Variants in AAK1 observed in about 807,000 individuals in gnomAD.
AAK1 encodes AP2-associated protein kinase 1.
Under a neutral mutation model 116.0 loss-of-function variants are expected in AAK1, and 37 were observed. That is an observed-to-expected ratio of 0.32 (90% CI 0.25 to 0.42). The LOEUF (loss-of-function observed/expected upper bound fraction) is 0.42, where lower values mean the gene tolerates loss of function less well. Ranked by LOEUF, AAK1 falls within the 10% of genes least tolerant of loss-of-function variation. The probability of loss-of-function intolerance (pLI) is 1.00; values close to 1 mark genes in which losing one functional copy is unlikely to be tolerated. For synonymous variants in AAK1, 458 were observed against 439.9 expected (o/e 1.04, Z -0.51); for missense variants, 919 against 1,170.6 (o/e 0.79, Z 3.14).
intron 17 of AAK1, among the ~76,000 whole-genome samples, chr2:69,493,214 AATGTGC>A (rs1434215222): frequency 1.3e-5 from 2 of 151,356 alleles, no homozygotes; most frequent in East Asian, 3.9e-4. Context: ...TGTGTAACTG[AATGTGC>A]TAGAGGCTGA....
Position 69,519,151 on chromosome 2 carries a change from T to A in AAK1, c.1300A>T (p.Lys434Ter). Residue 434 changes from lysine (K) to a stop codon, truncating the protein, a stop_gained, in exon 12 of 22, where the codon AAG becomes TAG. Coordinates refer to ENST00000409085, the MANE Select transcript of AAK1 (RefSeq NM_014911.5). LOFTEE classifies it high-confidence loss of function. ...GGAGTGGGAGGAGCCTGTGGCTGCT[T>A]GGCCTGAGTTTGCGGCAGAGGCTGG... The part of the protein sequence containing the change: ...PSQPLPQTQA[K>*]QPQAPPTPQQ... 1 of 1,578,244 alleles carries A rather than the reference T, an allele frequency of 6.3e-7. No homozygotes were observed. Among genetic ancestry groups the A allele is most frequent in the Non-Finnish European group, 8.6e-7 (1 of 1,161,518 alleles).
In AAK1 at chr2:69,465,651, A is replaced by C; in HGVS notation, c.*10218T>G. On this transcript the variant is annotated 3_prime_UTR_variant, in exon 22 of 22. Coordinates refer to ENST00000409085, the MANE Select transcript of AAK1 (RefSeq NM_014911.5). The stretch of plus-strand genomic sequence containing the variant: ...ATACTTGGATAAGGACTGGGGGCGG[A>C]ATGGTTTGCCAGCCATGGGGCCTGA... 1 of 1,290,838 alleles carries C rather than the reference A, an allele frequency of 7.7e-7. No individual in the cohort carries two copies. Among genetic ancestry groups the C allele is most frequent in the Non-Finnish European group, 1.0e-6 (1 of 988,860 alleles). The allele number at this position is 1,290,838 out of a possible 1,614,324, so 80.0% of individuals were successfully genotyped here.
chr2:69,571,818 T>C (rs543039436), intron 2 of AAK1, among the ~76,000 whole-genome samples: 1 of 152,288 alleles, frequency 6.6e-6, no homozygotes, highest in Admixed American at 6.5e-5. Flanking sequence ...TGGCTTGCAC[T>C]GTTACCTTTC....
At chr2:69,540,722 A>G (rs1009633900) in intron 5 of AAK1, among the ~76,000 whole-genome samples, 2 of 152,246 alleles carry the variant, frequency 1.3e-5, no homozygotes, top group African/African-American at 4.8e-5. Flanking sequence ...ACACAGAGCT[A>G]CTATATGACC....
intron 2 of AAK1, among the ~76,000 whole-genome samples, chr2:69,587,348 CATAT>C (rs762653351): frequency 1.4e-5 from 2 of 144,770 alleles, no homozygotes; most frequent in East Asian, 2.1e-4. Flanking sequence ...TGCACACACA[CATAT>C]ATACACATAT....
intron 2 of AAK1, among the ~76,000 whole-genome samples, chr2:69,577,933 A>T (rs1672380074): frequency 6.6e-6 from 1 of 152,150 alleles, no homozygotes; most frequent in Non-Finnish European, 1.5e-5. Context: ...TTTCACCTTC[A>T]TCTTCACTAA....
chr2:69,514,825 A>G (rs1676520134), intron 12 of AAK1, 76 bp from the exon 13 acceptor site: 12 of 1,451,176 alleles, frequency 8.3e-6, no homozygotes, highest in Admixed American at 2.7e-5. Flanking sequence ...CTCAAAAACA[A>G]TGAAGACCAG....
At chr2:69,481,597 C>T (rs1675089046) in intron 18 of AAK1, 1 of 152,150 alleles carries the variant, frequency 6.6e-6, no homozygotes, top group Admixed American at 6.5e-5. Flanking sequence ...ACTTTCTGCC[C>T]AAAGGCATTA....
In AAK1 at chr2:69,567,705, C is replaced by T. The variant is rs1335994670; in HGVS notation, c.164-10727G>A. On this transcript the variant is annotated intron_variant, in intron 2 of 21. Transcript: ENST00000409085. ...TTGGTGAAAAGGTAGAAAAACCCTG[C>T]ACTGCTCAGCCTGGCACAACTGAGC... is the stretch of plus-strand genomic sequence containing the variant. Among the ~76,000 whole-genome samples the T allele has an allele frequency of 2.6e-5, 4 of 152,126 alleles. No homozygotes were observed. The South Asian group carries it at 8.3e-4, about 32-fold the overall frequency.
intron 2 of AAK1, among the ~76,000 whole-genome samples, chr2:69,606,562 C>A (rs954930917): frequency 6.6e-6 from 1 of 152,168 alleles, no homozygotes; most frequent in East Asian, 1.9e-4. Flanking sequence ...TGATCTAGAA[C>A]AGACATACAT....
intron 2 of AAK1, among the ~76,000 whole-genome samples, chr2:69,622,820 T>G (rs1674714246): frequency 6.6e-6 from 1 of 152,170 alleles, no homozygotes; most frequent in East Asian, 1.9e-4. Flanking sequence ...ACTCCGCATC[T>G]AGCTAATCTA....
Position 69,643,083 on chromosome 2 carries a change from AGAT to A in AAK1, c.-46_-44del. On this transcript the variant is annotated 5_prime_UTR_variant, in exon 2 of 22. Transcript: ENST00000409085. The stretch of plus-strand genomic sequence containing the variant: ...GCAAAGCAAAATACCGATGGTTTCT[AGAT>A]TTTTTTTTTTTTTTTTTTTTTTTAA... 7.9e-7 allele frequency: 1 copy of A among 1,258,442 alleles called. No homozygotes were observed. The highest frequency in any genetic ancestry group is 1.0e-6 in the Non-Finnish European group (1 of 978,648). The allele number at this position is 1,258,442 out of a possible 1,614,324, so 78.0% of individuals were successfully genotyped here.
chr2:69,592,640 C>T (rs35999427), intron 2 of AAK1, among the ~76,000 whole-genome samples: 4,215 of 152,080 alleles, frequency 0.028, 82 homozygotes, highest in Non-Finnish European at 0.043. Context: ...GCAAATAAAA[C>T]AAAACCCACA....
At chr2:69,641,255 A>G (rs1675711241) in intron 2 of AAK1, among the ~76,000 whole-genome samples, 2 of 152,212 alleles carry the variant, frequency 1.3e-5, no homozygotes, top group Admixed American at 1.3e-4. Flanking sequence ...GAGGCCATTC[A>G]GAGGGGAGGA....
chr2:69,466,527 C>T lies in AAK1; in HGVS notation c.*9342G>A, dbSNP rs925500322. ...AAAGTGCTCTACAGTTATTACAGGA[C>T]AGGGATTGGACTCCCTCTGGAGATC... is the stretch of plus-strand genomic sequence containing the variant. On this transcript the variant is annotated 3_prime_UTR_variant, in exon 22 of 22. Coordinates refer to ENST00000409085, the MANE Select transcript of AAK1 (RefSeq NM_014911.5). 20 of 1,211,212 alleles carry T rather than the reference C, an allele frequency of 1.7e-5. No homozygotes were observed. Among genetic ancestry groups the T allele is most frequent in the Middle Eastern group, 2.3e-4 (1 of 4,334 alleles). The allele number at this position is 1,211,212 out of a possible 1,614,324, so 75.0% of individuals were successfully genotyped here. A position where few individuals can be genotyped will look rare whatever the true frequency, so the allele number is the denominator to read the frequency against.
intron 2 of AAK1, among the ~76,000 whole-genome samples, chr2:69,638,974 T>C (rs564127331): frequency 6.6e-6 from 1 of 152,236 alleles, no homozygotes; most frequent in Non-Finnish European, 1.5e-5. Flanking sequence ...GTGTATCATA[T>C]TGATACCACC....
At chr2:69,518,521 C>T (rs547065537) in intron 12 of AAK1, among the ~76,000 whole-genome samples, 2 of 150,566 alleles carry the variant, frequency 1.3e-5, no homozygotes, top group African/African-American at 2.5e-5. Flanking sequence ...TGGGTTCAAG[C>T]GATTCTTCTG....
At chr2:69,500,692 T>C (rs1235016416) in intron 16 of AAK1, among the ~76,000 whole-genome samples, 4,772 of 113,188 alleles carry the variant, frequency 0.042, 262 homozygotes, top group East Asian at 0.16. Flanking sequence ...TATATATATA[T>C]ATATATACAC....
chr2:69,485,997 CG>C (rs1675285919), intron 17 of AAK1, among the ~76,000 whole-genome samples: 2 of 151,808 alleles, frequency 1.3e-5, no homozygotes, highest in Admixed American at 6.6e-5. Flanking sequence ...CTCTGCCACC[CG>C]GGCTGAAGTG....
Sources: gnomAD v4.1 joint callset for allele counts (sites outside exome capture counted in the v4.1 genomes callset) on GRCh38, gnomAD v4.1.1 for gene constraint, MANE v1.5 for transcripts, NCBI Gene and HGNC (gene_info 2026-07-23, HGNC 2026-07-21) for gene names.